Variants in PPP4R3B observed in about 807,000 individuals in gnomAD.
PPP4R3B encodes protein phosphatase 4 regulatory subunit 3B, also known as serine/threonine-protein phosphatase 4 regulatory subunit 3B.
PPP4R3B carries 52 observed loss-of-function variants against 95.4 expected under a neutral mutation model. The ratio of observed to expected loss-of-function variants is 0.54; its 90% CI spans 0.44 to 0.69. The LOEUF is 0.69. Among genes scored for constraint, PPP4R3B ranks in the 30% least tolerant of loss-of-function variants. The pLI, the probability that PPP4R3B is intolerant of heterozygous loss-of-function variation, is 0.00. For missense variants in PPP4R3B, 1,003 were observed against 1,005.9 expected, an observed-to-expected ratio of 1.00 and a Z score of 0.04; for synonymous variants, 407 against 343.9, an observed-to-expected ratio of 1.18 and a Z score of -2.03.
chr2:55,584,570 CT>C, intron 7 of PPP4R3B, among the ~76,000 whole-genome samples: 1 of 152,284 alleles, frequency 6.6e-6, no homozygotes, highest in Non-Finnish European at 1.5e-5. Context: ...TAGCTTAGCT[CT>C]CACTTATGAG....
At chr2:55,609,725 A>G (rs1693911723) in intron 2 of PPP4R3B, among the ~76,000 whole-genome samples, 1 of 152,122 alleles carries the variant, frequency 6.6e-6, no homozygotes, top group Admixed American at 6.5e-5. Context: ...TACTGTATGT[A>G]ACTTCAAAGC....
chr2:55,611,945 C>A (rs1694225447), intron 2 of PPP4R3B, among the ~76,000 whole-genome samples: 1 of 152,096 alleles, frequency 6.6e-6, no homozygotes, highest in African/African-American at 2.4e-5. Flanking sequence ...GTTGTGCAGG[C>A]TGTTCCCGAA....
chr2:55,615,532 T>G (rs1179696476), intron 1 of PPP4R3B, 26 bp from the exon 2 acceptor site: 4 of 1,481,562 alleles, frequency 2.7e-6, no homozygotes, highest in Non-Finnish European at 3.7e-6. Flanking sequence ...TAATACATCA[T>G]AAGTCTCAAA....
At chr2:55,610,556 T>C (rs1228601327) in intron 2 of PPP4R3B, among the ~76,000 whole-genome samples, 1 of 152,246 alleles carries the variant, frequency 6.6e-6, no homozygotes, top group Admixed American at 6.5e-5. Flanking sequence ...TATTAACCTC[T>C]TCCTTAATTT....
intron 4 of PPP4R3B, among the ~76,000 whole-genome samples, chr2:55,591,260 C>A (rs1220435794): frequency 3.3e-5 from 5 of 151,776 alleles, no homozygotes; most frequent in African/African-American, 9.7e-5. Context: ...CCTCAGACTC[C>A]CATGTAACAG....
At chr2:55,595,781 G>A (rs985997571) in intron 4 of PPP4R3B, among the ~76,000 whole-genome samples, 1 of 146,814 alleles carries the variant, frequency 6.8e-6, no homozygotes, top group African/African-American at 2.5e-5. Context: ...CATCAAACTA[G>A]AAAAAGGAAA....
chr2:55,581,556 T>C lies in PPP4R3B; in HGVS notation c.1365+11A>G, dbSNP rs745334923. 12 of 1,604,570 alleles carry C rather than the reference T, an allele frequency of 7.5e-6. No individual in the cohort carries two copies. On this transcript the variant is annotated intron_variant, in intron 8 of 16. Coordinates refer to ENST00000616407, the MANE Select transcript of PPP4R3B (RefSeq NM_001122964.3). The stretch of plus-strand genomic sequence containing the variant: ...AGGCCAAAACATTTTTATCTCAGAG[T>C]AATTTCTTACATTAGTTGTAGCCAG...
chr2:55,611,855 A>ACT (rs1694208691), intron 2 of PPP4R3B, among the ~76,000 whole-genome samples: 2 of 152,244 alleles, frequency 1.3e-5, no homozygotes, highest in Non-Finnish European at 2.9e-5. Context: ...CACCTCCAGA[A>ACT]GTAGCTGGCA....
At chr2:55,564,102 C>T (rs1285462698) in intron 15 of PPP4R3B, among the ~76,000 whole-genome samples, 1 of 152,082 alleles carries the variant, frequency 6.6e-6, no homozygotes, top group East Asian at 1.9e-4. Flanking sequence ...AACAGCATTA[C>T]AAAATAGCAA....
At chr2:55,596,017 T>C (rs1159951989) in intron 4 of PPP4R3B, among the ~76,000 whole-genome samples, 5 of 152,208 alleles carry the variant, frequency 3.3e-5, no homozygotes, top group African/African-American at 1.2e-4. Flanking sequence ...AGGATTAACA[T>C]GATAAATATA....
rs926339295 is a variant in PPP4R3B, at chr2:55,617,592, T to A, written c.-307A>T. ...CGGTAACTACTACAGATCCGCCATC[T>A]TGTAACCCGACTCTCTCTGCCTTTC... On this transcript the variant is annotated 5_prime_UTR_variant, in exon 1 of 17. The change creates a new upstream start codon in the 5' untranslated region. Transcript: ENST00000616407. The A allele has an allele frequency of 2.5e-5, 7 of 275,946 alleles. 1 individual carries two copies. Among genetic ancestry groups the A allele is most frequent in the Admixed American group, 1.5e-4 (3 of 20,052 alleles). 17.1% of individuals were successfully genotyped at this position (275,946 alleles called of 1,614,324 possible). A position where few individuals can be genotyped will look rare whatever the true frequency, so the allele number is the denominator to read the frequency against.
At chr2:55,593,417 C>T (rs1164458373) in intron 4 of PPP4R3B, among the ~76,000 whole-genome samples, 2 of 152,194 alleles carry the variant, frequency 1.3e-5, no homozygotes, top group Non-Finnish European at 2.9e-5. Flanking sequence ...TACTACCTCA[C>T]TTCGGCCCAG....
At chr2:55,579,602 A>T in intron 9 of PPP4R3B, 77 bp downstream of exon 9, 1 of 965,844 alleles carries the variant, frequency 1.0e-6, no homozygotes, top group Non-Finnish European at 1.5e-6. Flanking sequence ...GTCTCAAGTA[A>T]ATTGCCTGTT....
intron 3 of PPP4R3B, 148 bp from the exon 4 acceptor site, chr2:55,599,187 C>G (rs761555915): frequency 4.5e-5 from 34 of 748,796 alleles, no homozygotes; most frequent in Non-Finnish European, 6.5e-5. Flanking sequence ...CCTGTAATCC[C>G]AGCACTTTAG....
At chr2:55,607,291 G>A (rs775648511) in intron 2 of PPP4R3B, among the ~76,000 whole-genome samples, 1 of 152,148 alleles carries the variant, frequency 6.6e-6, no homozygotes, top group African/African-American at 2.4e-5. Context: ...TTTACCCGGA[G>A]ACACTGTCAG....
At chr2:55,579,334 T>C (rs1689123547) in intron 9 of PPP4R3B, among the ~76,000 whole-genome samples, 1 of 152,108 alleles carries the variant, frequency 6.6e-6, no homozygotes, top group Non-Finnish European at 1.5e-5. Context: ...CGCACAAATT[T>C]GGCGACAATG....
rs6734838 is a variant in PPP4R3B, at chr2:55,616,249, G to C, written c.143-743C>G. Among the ~76,000 whole-genome samples the C allele has an allele frequency of 7.5e-3, 1,148 of 152,196 alleles. 20 individuals are homozygous for C. Among genetic ancestry groups the C allele is most frequent in the African/African-American group, 0.026 (1,098 of 41,516 alleles). On this transcript the variant is annotated intron_variant, in intron 1 of 16. Transcript: ENST00000616407. ...TGACAGGGATTAAATACTTAGTATA[G>C]AAATTACAGTGCTGCATTTATCCTT... is the stretch of plus-strand genomic sequence containing the variant.
At chr2:55,596,042 T>C (rs1398200870) in intron 4 of PPP4R3B, among the ~76,000 whole-genome samples, 1 of 152,184 alleles carries the variant, frequency 6.6e-6, no homozygotes, top group Non-Finnish European at 1.5e-5. Context: ...AAAACTCCTA[T>C]TTCACAACTC....
chr2:55,564,383 T>A lies in PPP4R3B; in HGVS notation c.2190A>T (p.Ala730=), dbSNP rs763879823. Residue 730 remains alanine, a synonymous_variant, in exon 15 of 17, where the codon GCA becomes GCT. Transcript: ENST00000616407. ...CTTCTGGCTTAGGTTTTTCCACTGGTGCCACAACTGCTTTTCCTTCCTCTT... is the reference window on the plus strand; with the variant it reads ...CTTCTGGCTTAGGTTTTTCCACTGGAGCCACAACTGCTTTTCCTTCCTCTT... ...DEEEEGKAVV[A]PVEKPKPEDD... The A allele has an allele frequency of 6.2e-7, 1 of 1,613,974 alleles. No individual in the cohort carries two copies. The highest frequency in any genetic ancestry group is 8.5e-7 in the Non-Finnish European group (1 of 1,179,918).
Sources: allele counts gnomAD v4.1 joint callset (sites outside exome capture counted in the v4.1 genomes callset), GRCh38; gene constraint gnomAD v4.1.1; transcripts MANE v1.5; gene names NCBI Gene and HGNC (gene_info 2026-07-23, HGNC 2026-07-21).